Variants in PHLPP1 observed in about 807,000 individuals in gnomAD.
The protein encoded by PHLPP1 is PH domain leucine-rich repeat-containing protein phosphatase 1.
A neutral mutation model predicts 117.2 loss-of-function variants in PHLPP1; 42 were observed. The observed-to-expected ratio is 0.36, with a 90% CI of 0.28 to 0.46. The LOEUF is 0.46. Among genes scored for constraint, PHLPP1 ranks in the 20% least tolerant of loss-of-function variants. The pLI is 1.00. For synonymous variants in PHLPP1, 1,042 were observed against 970.7 expected, an observed-to-expected ratio of 1.07 and a Z score of -1.37; for missense variants, 2,084 against 2,241.9, an observed-to-expected ratio of 0.93 and a Z score of 1.42.
intron 9 of PHLPP1, among the ~76,000 whole-genome samples, chr18:62,919,641 C>T: frequency 6.6e-6 from 1 of 152,116 alleles, no homozygotes; most frequent in Non-Finnish European, 1.5e-5. Flanking sequence ...AGATACAAGC[C>T]CTACTCTGGA....
chr18:62,828,852 A>G (rs188754485), intron 1 of PHLPP1, among the ~76,000 whole-genome samples: 277 of 152,322 alleles, frequency 1.8e-3, no homozygotes, highest in African/African-American at 6.5e-3. Context: ...GGGTCCTACT[A>G]TAGTACATAT....
chr18:62,833,172 C>G (rs2144334320), intron 2 of PHLPP1, among the ~76,000 whole-genome samples: 1 of 152,238 alleles, frequency 6.6e-6, no homozygotes, highest in Admixed American at 6.5e-5. Context: ...CTCCCGGGTT[C>G]AAGCGATTCT....
chr18:62,924,674 T>C (rs1909570384), intron 10 of PHLPP1, among the ~76,000 whole-genome samples: 1 of 56,096 alleles, frequency 1.8e-5, no homozygotes, highest in African/African-American at 6.2e-5. Flanking sequence ...TCACTACAAA[T>C]TGAAAAAAAA....
chr18:62,947,191 GT>G (rs1910321272), intron 12 of PHLPP1, among the ~76,000 whole-genome samples: 1 of 152,184 alleles, frequency 6.6e-6, no homozygotes, highest in Non-Finnish European at 1.5e-5. Context: ...TCACTGCTCT[GT>G]TTCCTCGTAT....
At chr18:62,916,860 T>C (rs565562901) in intron 9 of PHLPP1, among the ~76,000 whole-genome samples, 103 of 146,884 alleles carry the variant, frequency 7.0e-4, no homozygotes, top group African/African-American at 2.4e-3. Context: ...TTCCAGCAAT[T>C]CTCGTGCCTC....
chr18:62,955,739 A>G (rs982781434), intron 12 of PHLPP1, among the ~76,000 whole-genome samples: 3 of 152,206 alleles, frequency 2.0e-5, no homozygotes, highest in Non-Finnish European at 4.4e-5. Flanking sequence ...ATTTTTACCA[A>G]TTTCATAAAA....
chr18:62,972,759 G>A, intron 15 of PHLPP1, 51 bp downstream of exon 15: 1 of 1,361,916 alleles, frequency 7.3e-7, no homozygotes, highest in Non-Finnish European at 1.0e-6. Flanking sequence ...TGCTCTTTGA[G>A]TGTTTATCCT....
chr18:62,824,114 A>T lies in PHLPP1; in HGVS notation c.1577-5921A>T, dbSNP rs1277280671. On this transcript the variant is annotated intron_variant, in intron 1 of 16. Coordinates refer to ENST00000262719, the MANE Select transcript of PHLPP1 (RefSeq NM_194449.4). ...GGCATTGCACTCCAGCTGGGCAACA[A>T]GAGCGAAACTCCGTCTCAAAAAAAA... 1.6e-5 allele frequency: 7 copies of T among 448,914 alleles called. No individual in the cohort carries two copies. The East Asian group carries it at 4.2e-4, about 27-fold the overall frequency. The allele number at this position is 448,914 out of a possible 1,614,324, so 27.8% of individuals were successfully genotyped here.
chr18:62,819,229 G>A (rs1232088598), intron 1 of PHLPP1, among the ~76,000 whole-genome samples: 1 of 152,180 alleles, frequency 6.6e-6, no homozygotes, highest in East Asian at 1.9e-4. Context: ...TGTACATGAA[G>A]TGATACAATA....
Position 62,895,774 on chromosome 18 carries a change from C to G in PHLPP1, c.2214-7C>G, listed in dbSNP as rs911100004. ...TCTCTTTGTAATTCTTATGTTTTCT[C>G]TAATAGCTTACAGACATTTTTGTTG... is the stretch of plus-strand genomic sequence containing the variant. On this transcript the variant is annotated splice_polypyrimidine_tract_variant and splice_region_variant and intron_variant, in intron 5 of 16. Coordinates refer to ENST00000262719, the MANE Select transcript of PHLPP1 (RefSeq NM_194449.4). 6.5e-7 allele frequency: 1 copy of G among 1,530,632 alleles called. No individual in the cohort carries two copies. The highest frequency in any genetic ancestry group is 9.1e-7 in the Non-Finnish European group (1 of 1,104,458). The allele number at this position is 1,530,632 out of a possible 1,614,324, so 94.8% of individuals were successfully genotyped here. A position where few individuals can be genotyped will look rare whatever the true frequency, so the allele number is the denominator to read the frequency against.
chr18:62,928,178 A>G (rs113275590), intron 10 of PHLPP1, among the ~76,000 whole-genome samples: 73 of 152,324 alleles, frequency 4.8e-4, no homozygotes, highest in African/African-American at 1.6e-3. Flanking sequence ...AACATAAGCA[A>G]CAACTAAAAA....
chr18:62,884,050 C>T (rs1916227488), intron 4 of PHLPP1, among the ~76,000 whole-genome samples: 1 of 152,200 alleles, frequency 6.6e-6, no homozygotes, highest in Non-Finnish European at 1.5e-5. Context: ...ACTGAGAGTA[C>T]TCCTAATGTC....
chr18:62,872,786 A>G (rs983897922), intron 4 of PHLPP1, among the ~76,000 whole-genome samples: 1 of 152,080 alleles, frequency 6.6e-6, no homozygotes, highest in African/African-American at 2.4e-5. Context: ...CAGGAGTTCA[A>G]GACCAGCCTG....
intron 3 of PHLPP1, among the ~76,000 whole-genome samples, chr18:62,857,012 A>G (rs1339876285): frequency 6.6e-6 from 1 of 151,946 alleles, no homozygotes; most frequent in Non-Finnish European, 1.5e-5. Context: ...TAGGGGAGGG[A>G]TCTTCATTTT....
At chr18:62,860,098 G>A (rs1915595198) in intron 3 of PHLPP1, among the ~76,000 whole-genome samples, 4 of 152,152 alleles carry the variant, frequency 2.6e-5, no homozygotes, top group Admixed American at 2.0e-4. Flanking sequence ...TTACTGTACC[G>A]AATACTGTGG....
chr18:62,826,602 C>T (rs926822567), intron 1 of PHLPP1, among the ~76,000 whole-genome samples: 3 of 152,114 alleles, frequency 2.0e-5, no homozygotes, highest in Non-Finnish European at 2.9e-5. Flanking sequence ...TGGCTTATAA[C>T]GGACATTAGA....
chr18:62,805,662 T>G (rs1913929204), intron 1 of PHLPP1, among the ~76,000 whole-genome samples: 1 of 152,154 alleles, frequency 6.6e-6, no homozygotes, highest in South Asian at 2.1e-4. Context: ...TGCCCGACCT[T>G]TTTCCACTGT....
chr18:62,922,880 G>A (rs1426769238), intron 10 of PHLPP1, among the ~76,000 whole-genome samples: 3 of 152,192 alleles, frequency 2.0e-5, no homozygotes, highest in Non-Finnish European at 4.4e-5. Context: ...GGGGATTGTG[G>A]TGACTCCCAG....
chr18:62,788,933 GGTGT>G (rs979392455), intron 1 of PHLPP1, among the ~76,000 whole-genome samples: 54 of 152,154 alleles, frequency 3.5e-4, no homozygotes, highest in African/African-American at 1.3e-3. Context: ...GCAAATAAGA[GGTGT>G]GTTTAAAAAA....
Sources: gnomAD v4.1 joint callset for allele counts (sites outside exome capture counted in the v4.1 genomes callset) on GRCh38, gnomAD v4.1.1 for gene constraint, MANE v1.5 for transcripts, NCBI Gene and HGNC (gene_info 2026-07-23, HGNC 2026-07-21) for gene names.